The following COL4A2 variants were observed in gnomAD, a reference collection of about 807,000 sequenced individuals.
COL4A2 encodes collagen alpha-2(IV) chain.
A neutral mutation model predicts 200.2 loss-of-function variants in COL4A2; 99 were observed. The observed-to-expected ratio is 0.49, with a 90% CI of 0.42 to 0.58. COL4A2 has a LOEUF of 0.58. Ranked by LOEUF, COL4A2 falls within the 20% of genes least tolerant of loss-of-function variation. The probability of loss-of-function intolerance (pLI) is 0.00; values close to 1 mark genes in which losing one functional copy is unlikely to be tolerated. For missense variants in COL4A2, 1,950 were observed against 2,314.1 expected, an observed-to-expected ratio of 0.84 and a Z score of 3.23; for synonymous variants, 897 against 900.6, an observed-to-expected ratio of 1.00 and a Z score of 0.07.
At chr13:110,408,726 C>G (rs915139607) in intron 4 of COL4A2, among the ~76,000 whole-genome samples, 1 of 152,148 alleles carries the variant, frequency 6.6e-6, no homozygotes, top group East Asian at 1.9e-4. Context: ...ACAGCACATT[C>G]ACAGTGAGAC....
intron 40 of COL4A2, 99 bp from the exon 41 acceptor site, chr13:110,501,569 G>A: frequency 9.2e-7 from 1 of 1,083,482 alleles, no homozygotes; most frequent in South Asian, 1.3e-5. Flanking sequence ...TCGCTCGCTA[G>A]GCTCTGGTCC....
At chr13:110,365,830 G>A (rs1363717818) in intron 4 of COL4A2, among the ~76,000 whole-genome samples, 2 of 152,182 alleles carry the variant, frequency 1.3e-5, no homozygotes, top group African/African-American at 2.4e-5. Flanking sequence ...TTGCTAAAAC[G>A]AAGCTAGGGC....
intron 3 of COL4A2, among the ~76,000 whole-genome samples, chr13:110,345,679 A>G (rs577577899): frequency 7.2e-4 from 109 of 152,296 alleles, no homozygotes; most frequent in Non-Finnish European, 1.2e-3. Flanking sequence ...CTAGACAGCC[A>G]TTAGTGATTT....
Position 110,456,531 on chromosome 13 carries a change from A to G in COL4A2, c.1340-812A>G, listed in dbSNP as rs1328358203. On this transcript the variant is annotated intron_variant, in intron 20 of 47. Transcript: ENST00000360467. ...CTCAAAAGGAATAATTGTTATCCCT[A>G]TAGTTTAATGGAAAAACTAAATTTG... 4.0e-5 allele frequency: 14 copies of G among 353,552 alleles called. No homozygotes were observed. The East Asian group carries it at 4.5e-4, about 11-fold the overall frequency. 21.9% of individuals were successfully genotyped at this position (353,552 alleles called of 1,614,324 possible). A position where few individuals can be genotyped will look rare whatever the true frequency, so the allele number is the denominator to read the frequency against.
chr13:110,438,298 G>T (rs1880975562), intron 14 of COL4A2, among the ~76,000 whole-genome samples: 1 of 152,238 alleles, frequency 6.6e-6, no homozygotes, highest in South Asian at 2.1e-4. Flanking sequence ...TGGCGGAGGG[G>T]CGTGGCTTCC....
Position 110,368,859 on chromosome 13 carries a change from G to A in COL4A2, c.180+11307G>A, listed in dbSNP as rs929145113. On this transcript the variant is annotated intron_variant, in intron 4 of 47. Transcript: ENST00000360467. Reference sequence around the variant, plus strand: ...TAAGGCCAAAGAAAAGGGGGGGGGGGGGTTGAGCTCAATAATAGCATTAGG... The same window carrying A: ...TAAGGCCAAAGAAAAGGGGGGGGGGAGGTTGAGCTCAATAATAGCATTAGG... 1.7e-4 allele frequency among the ~76,000 whole-genome samples: 20 copies of A among 115,432 alleles called. No individual in the cohort carries two copies. The South Asian group carries it at 5.9e-3, about 34-fold the overall frequency. 75.7% of individuals were successfully genotyped at this position (115,432 alleles called of 152,430 possible). A position where few individuals can be genotyped will look rare whatever the true frequency, so the allele number is the denominator to read the frequency against.
chr13:110,368,864 G>T, intron 4 of COL4A2, among the ~76,000 whole-genome samples: 1 of 138,684 alleles, frequency 7.2e-6, no homozygotes, highest in East Asian at 2.2e-4. Context: ...GGGGGGGGTT[G>T]AGCTCAATAA....
At position 110,480,208 on chromosome 13, in the gene COL4A2, T is replaced by G. The variant is rs1199242379; in HGVS notation, c.2588-12T>G. The G allele has an allele frequency of 2.5e-6, 4 of 1,579,928 alleles. No individual in the cohort carries two copies. Among genetic ancestry groups the G allele is most frequent in the Non-Finnish European group, 3.4e-6 (4 of 1,166,648 alleles). On this transcript the variant is annotated splice_polypyrimidine_tract_variant and intron_variant, in intron 30 of 47. Coordinates refer to ENST00000360467, the MANE Select transcript of COL4A2 (RefSeq NM_001846.4). ...TTGTCCACCCTGTTTGATTTGCTCC[T>G]CTTCCTGACAGGTCTGCCTGGTGAT...
At chr13:110,345,360 G>T (rs1876648967) in intron 3 of COL4A2, among the ~76,000 whole-genome samples, 1 of 152,354 alleles carries the variant, frequency 6.6e-6, no homozygotes, top group South Asian at 2.1e-4. Context: ...AAGAGACTTT[G>T]AAAGTGGAGG....
At chr13:110,430,102 T>C (rs1880620039) in intron 8 of COL4A2, 146 bp downstream of exon 8, 6 of 832,432 alleles carry the variant, frequency 7.2e-6, no homozygotes, top group East Asian at 5.9e-5. Flanking sequence ...AAAGTCATCT[T>C]ACTTCCGATC....
At chr13:110,347,419 C>T (rs2139377470) in intron 3 of COL4A2, among the ~76,000 whole-genome samples, 1 of 152,300 alleles carries the variant, frequency 6.6e-6, no homozygotes, top group Non-Finnish European at 1.5e-5. Flanking sequence ...GCAGAAGATG[C>T]TGTGGCTTCA....
chr13:110,459,530 C>G (rs543858402), intron 22 of COL4A2: 19 of 131,854 alleles, frequency 1.4e-4, no homozygotes, highest in African/African-American at 5.6e-4. Context: ...ACACAGGCAA[C>G]CTAGAAACAG....
At chr13:110,324,423 G>A (rs183191316) in intron 3 of COL4A2, among the ~76,000 whole-genome samples, 1 of 152,236 alleles carries the variant, frequency 6.6e-6, no homozygotes, top group Admixed American at 6.5e-5. Flanking sequence ...GAAGGAGCTT[G>A]CCTGAGAAGG....
chr13:110,393,074 C>T (rs1000581817), intron 4 of COL4A2, among the ~76,000 whole-genome samples: 2 of 152,166 alleles, frequency 1.3e-5, no homozygotes, highest in East Asian at 3.9e-4. Flanking sequence ...GTGTCGCCCA[C>T]CTGGGAGGAT....
chr13:110,389,308 C>T (rs1267540807), intron 4 of COL4A2, among the ~76,000 whole-genome samples: 1 of 152,200 alleles, frequency 6.6e-6, no homozygotes, highest in African/African-American at 2.4e-5. Flanking sequence ...TACCATCACC[C>T]TTTTCTATAA....
intron 3 of COL4A2, among the ~76,000 whole-genome samples, chr13:110,343,398 G>A (rs1411955253): frequency 6.6e-6 from 1 of 152,176 alleles, no homozygotes; most frequent in Non-Finnish European, 1.5e-5. Flanking sequence ...TACCGAGTGT[G>A]AGTTCACAGC....
chr13:110,334,955 G>A (rs1353327807), intron 3 of COL4A2, among the ~76,000 whole-genome samples: 1 of 152,128 alleles, frequency 6.6e-6, no homozygotes, highest in Non-Finnish European at 1.5e-5. Flanking sequence ...TTCAGTCCAG[G>A]GAGGAGGAAG....
intron 4 of COL4A2, among the ~76,000 whole-genome samples, chr13:110,377,337 C>G (rs1878278643): frequency 6.6e-6 from 1 of 152,202 alleles, no homozygotes; most frequent in South Asian, 2.1e-4. Flanking sequence ...GGCTCATCTG[C>G]AGCTGTCCTT....
At chr13:110,333,213 A>C (rs1594151976) in intron 3 of COL4A2, among the ~76,000 whole-genome samples, 1 of 152,206 alleles carries the variant, frequency 6.6e-6, no homozygotes, top group Non-Finnish European at 1.5e-5. Flanking sequence ...ACCTCTTTGA[A>C]TGCTGCCTGC....
Sources: allele counts gnomAD v4.1 joint callset (sites outside exome capture counted in the v4.1 genomes callset), GRCh38; gene constraint gnomAD v4.1.1; transcripts MANE v1.5; gene names NCBI Gene and HGNC (gene_info 2026-07-23, HGNC 2026-07-21).